CAST: variants seen among roughly 807,000 people sequenced by gnomAD.
CAST encodes MIR583 host.
CAST carries 76 observed loss-of-function variants against 119.6 expected under a neutral mutation model. That is an observed-to-expected ratio of 0.64 (90% CI 0.53 to 0.77). The LOEUF is 0.77. CAST is among the 30% of genes least tolerant of loss of function. CAST has a pLI of 0.00. For synonymous variants in CAST, 319 were observed against 331.6 expected, an observed-to-expected ratio of 0.96 and a Z score of 0.41; for missense variants, 953 against 946.5, an observed-to-expected ratio of 1.01 and a Z score of -0.09.
the CAST span, among the ~76,000 whole-genome samples, chr5:96,036,345 G>T: frequency 6.6e-6 from 1 of 152,000 alleles, no homozygotes; most frequent in Non-Finnish European, 1.5e-5. Context: ...ATAACAATAT[G>T]CAGGCCACAC....
At chr5:96,273,132 G>GT in the CAST span, among the ~76,000 whole-genome samples, 1 of 152,210 alleles carries the variant, frequency 6.6e-6, no homozygotes, top group Non-Finnish European at 1.5e-5. Flanking sequence ...GATGGAGTTT[G>GT]TTTTTTAAAT....
At position 96,572,326 on chromosome 5, in the gene CAST, G is replaced by A. The variant is rs562713209; in HGVS notation, c.60+42446G>A. On this transcript the variant is annotated intron_variant, in intron 1 of 11. Coordinates refer to the CAST transcript ENST00000505143. ...AGCAATTCTCCTACTTCAGCCTCCC[G>A]AGTAGCTGGGATTACAGGCACACAC... Among the ~76,000 whole-genome samples the A allele has an allele frequency of 3.9e-5, 6 of 151,982 alleles. No individual in the cohort carries two copies. In the Middle Eastern group the frequency reaches 0.01, roughly 258 times the overall value.
the CAST span, among the ~76,000 whole-genome samples, chr5:96,208,935 A>T: frequency 6.6e-6 from 1 of 151,828 alleles, no homozygotes; most frequent in African/African-American, 2.4e-5. Context: ...GACATCTCCT[A>T]TTATTATTGT....
At chr5:96,559,234 A>G (rs1400223297) in intron 1 of CAST, among the ~76,000 whole-genome samples, 1 of 152,182 alleles carries the variant, frequency 6.6e-6, no homozygotes, top group East Asian at 1.9e-4. Context: ...GTCTATGACA[A>G]ACCCACAGCC....
the CAST span, among the ~76,000 whole-genome samples, chr5:96,034,511 G>GCACACACACACACACA: frequency 4.7e-4 from 31 of 65,646 alleles, no homozygotes; most frequent in Non-Finnish European, 6.7e-4. Flanking sequence ...ACACACATAT[G>GCACACACACACACACA]TGTGTGTGTA....
At chr5:96,171,655 T>A in the CAST span, among the ~76,000 whole-genome samples, 1 of 152,356 alleles carries the variant, frequency 6.6e-6, no homozygotes, top group South Asian at 2.1e-4. Flanking sequence ...GGATAAAATG[T>A]GTCTCCTTTG....
the CAST span, among the ~76,000 whole-genome samples, chr5:96,500,173 G>A: frequency 6.6e-6 from 1 of 152,150 alleles, no homozygotes; most frequent in Non-Finnish European, 1.5e-5. Flanking sequence ...GTTTTGCAAT[G>A]TTTTGAAAAT....
At chr5:96,025,083 C>T in the CAST span, among the ~76,000 whole-genome samples, 1 of 152,192 alleles carries the variant, frequency 6.6e-6, no homozygotes, top group Non-Finnish European at 1.5e-5. Flanking sequence ...TGAAGCTTTT[C>T]CACATTTCTC....
the CAST span, among the ~76,000 whole-genome samples, chr5:96,130,644 G>C: frequency 1.3e-5 from 2 of 151,796 alleles, no homozygotes; most frequent in African/African-American, 4.8e-5. Flanking sequence ...TTTTAAAATT[G>C]CACATAAAAG....
chr5:96,581,002 C>G (rs1431387825), intron 1 of CAST, among the ~76,000 whole-genome samples: 1 of 152,234 alleles, frequency 6.6e-6, no homozygotes, highest in Admixed American at 6.5e-5. Flanking sequence ...CCCTCACCAA[C>G]CACTGAATCT....
chr5:96,583,130 C>T (rs1024499798), intron 1 of CAST, among the ~76,000 whole-genome samples: 9 of 151,894 alleles, frequency 5.9e-5, no homozygotes, highest in African/African-American at 1.7e-4. Context: ...TTCAGAACGC[C>T]CCACCTTAAA....
chr5:96,620,222 T>TA (rs1343718788), intron 1 of CAST, among the ~76,000 whole-genome samples: 1 of 151,980 alleles, frequency 6.6e-6, no homozygotes, highest in Non-Finnish European at 1.5e-5. Context: ...AATCCAAAAT[T>TA]AGTTATCAGG....
intron 2 of CAST, among the ~76,000 whole-genome samples, chr5:96,691,819 T>TGTG (rs1404810010): frequency 6.6e-6 from 1 of 152,216 alleles, no homozygotes; most frequent in Non-Finnish European, 1.5e-5. Context: ...TCCTAGAGAA[T>TGTG]GTGGTGCCTT....
the CAST span, among the ~76,000 whole-genome samples, chr5:96,308,518 T>C: frequency 3.9e-5 from 6 of 152,072 alleles, no homozygotes; most frequent in African/African-American, 1.4e-4. Flanking sequence ...TTGTGATCCT[T>C]TGCGGGAGAG....
the CAST span, among the ~76,000 whole-genome samples, chr5:96,245,204 G>A: frequency 6.6e-6 from 1 of 152,172 alleles, no homozygotes; most frequent in Non-Finnish European, 1.5e-5. Flanking sequence ...CAGCAAAAGT[G>A]TAAAAGTTTT....
chr5:95,964,640 T>C, the CAST span, among the ~76,000 whole-genome samples: 14 of 152,136 alleles, frequency 9.2e-5, no homozygotes, highest in Non-Finnish European at 1.8e-4. Flanking sequence ...GTGGTATAGA[T>C]GGAGACAGCC....
chr5:96,021,309 A>AT, the CAST span, among the ~76,000 whole-genome samples: 3 of 152,116 alleles, frequency 2.0e-5, no homozygotes, highest in African/African-American at 7.2e-5. Context: ...ACACACAAAA[A>AT]TTTTTTTTTA....
At chr5:96,547,480 T>C (rs1746039228) in intron 1 of CAST, among the ~76,000 whole-genome samples, 1 of 152,202 alleles carries the variant, frequency 6.6e-6, no homozygotes, top group Admixed American at 6.5e-5. Flanking sequence ...TGCCTTTTTG[T>C]TCTATTTGGC....
the CAST span, among the ~76,000 whole-genome samples, chr5:96,477,858 C>G: frequency 6.6e-6 from 1 of 152,164 alleles, no homozygotes. Flanking sequence ...TTTTCCTCAT[C>G]AAGCAAACCT....
Sources: gnomAD v4.1 joint callset for allele counts (sites outside exome capture counted in the v4.1 genomes callset) on GRCh38, gnomAD v4.1.1 for gene constraint, MANE v1.5 for transcripts, NCBI Gene and HGNC (gene_info 2026-07-23, HGNC 2026-07-21) for gene names.